The following YWHAE variants were observed in gnomAD, a reference collection of about 807,000 sequenced individuals.
YWHAE encodes tyrosine 3-monooxygenase/tryptophan 5-monooxygenase activation protein epsilon, also known as 14-3-3 protein epsilon.
A neutral mutation model predicts 30.1 loss-of-function variants in YWHAE; 4 were observed. The ratio of observed to expected loss-of-function variants is 0.13; its 90% CI spans 0.07 to 0.30. The LOEUF is 0.30. Ranked by LOEUF, YWHAE falls within the 10% of genes least tolerant of loss-of-function variation. YWHAE has a pLI of 1.00. For missense variants in YWHAE, 121 were observed against 315.9 expected, an observed-to-expected ratio of 0.38 and a Z score of 4.68; for synonymous variants, 118 against 111.8, an observed-to-expected ratio of 1.06 and a Z score of -0.35.
At chr17:1,359,603 A>C (rs1397273845) in intron 4 of YWHAE, among the ~76,000 whole-genome samples, 1 of 152,052 alleles carries the variant, frequency 6.6e-6, no homozygotes, top group Admixed American at 6.6e-5. Flanking sequence ...AAAAGGACAA[A>C]TATTATATGA....
At chr17:1,393,954 A>T (rs1287833326) in intron 1 of YWHAE, among the ~76,000 whole-genome samples, 1 of 152,200 alleles carries the variant, frequency 6.6e-6, no homozygotes, top group East Asian at 1.9e-4. Flanking sequence ...ACAATTCACC[A>T]TGGATATCAG....
At chr17:1,346,517 A>AT (rs1483169768) in intron 5 of YWHAE, among the ~76,000 whole-genome samples, 1 of 152,236 alleles carries the variant, frequency 6.6e-6, no homozygotes, top group Non-Finnish European at 1.5e-5. Flanking sequence ...CACATGAAGC[A>AT]TTTACACTGA....
chr17:1,376,976 A>T (rs1395072187), intron 1 of YWHAE, among the ~76,000 whole-genome samples: 1 of 149,782 alleles, frequency 6.7e-6, no homozygotes, highest in Non-Finnish European at 1.5e-5. Flanking sequence ...GCCCAGGCTG[A>T]AGTGCAATCT....
At chr17:1,379,203 C>T (rs1016406679) in intron 1 of YWHAE, among the ~76,000 whole-genome samples, 4 of 152,040 alleles carry the variant, frequency 2.6e-5, no homozygotes, top group Non-Finnish European at 5.9e-5. Flanking sequence ...AGACACACTT[C>T]AGATTTTACA....
chr17:1,394,220 G>A lies in YWHAE; in HGVS notation c.64+5827C>T, dbSNP rs948366427. On this transcript the variant is annotated intron_variant, in intron 1 of 5. Coordinates refer to ENST00000264335, the MANE Select transcript of YWHAE (RefSeq NM_006761.5). ...AACTCACTTTCTTGAACCAGAAAAT[G>A]GGAGTAACGCTCTACCTGCTTCAAT... Among the ~76,000 whole-genome samples, 13 of 152,042 alleles carry A rather than the reference G, an allele frequency of 8.6e-5. No individual in the cohort carries two copies. The East Asian group carries it at 2.3e-3, about 27-fold the overall frequency.
At chr17:1,368,301 G>A (rs1265205054) in intron 1 of YWHAE, among the ~76,000 whole-genome samples, 8 of 151,974 alleles carry the variant, frequency 5.3e-5, no homozygotes, top group East Asian at 3.8e-4. Flanking sequence ...GCTTGAACTC[G>A]GGAGGCGGAG....
intron 2 of YWHAE, 58 bp from the exon 3 acceptor site, chr17:1,362,066 T>TA (rs1261550496): frequency 9.5e-7 from 1 of 1,049,272 alleles, no homozygotes; most frequent in Non-Finnish European, 1.3e-6. Context: ...TACAAATTAT[T>TA]ACATATTCTA....
intron 4 of YWHAE, 70 bp downstream of exon 4, chr17:1,361,022 A>C: frequency 2.8e-6 from 4 of 1,431,702 alleles, no homozygotes; most frequent in Non-Finnish European, 3.9e-6. Context: ...CCAAGAAACA[A>C]CACGGAAAAC....
intron 1 of YWHAE, among the ~76,000 whole-genome samples, chr17:1,396,842 G>C (rs7223142): frequency 6.6e-6 from 1 of 151,444 alleles, no homozygotes; most frequent in African/African-American, 2.4e-5. Context: ...GGCTGGTCTC[G>C]AACTTCTGAC....
At chr17:1,357,882 G>C (rs2072782475) in intron 4 of YWHAE, among the ~76,000 whole-genome samples, 1 of 151,182 alleles carries the variant, frequency 6.6e-6, no homozygotes, top group African/African-American at 2.4e-5. Context: ...AGCTGAGATT[G>C]CACCACTGCA....
chr17:1,357,837 G>C (rs188078254), intron 4 of YWHAE, among the ~76,000 whole-genome samples: 5 of 151,444 alleles, frequency 3.3e-5, no homozygotes, highest in African/African-American at 1.2e-4. Context: ...TGAAGCAGGA[G>C]AATCGCTTGA....
chr17:1,379,031 T>C (rs571491240), intron 1 of YWHAE, among the ~76,000 whole-genome samples: 55 of 152,232 alleles, frequency 3.6e-4, no homozygotes, highest in African/African-American at 1.3e-3. Context: ...ATTATACTGG[T>C]TTTTAAACAT....
At chr17:1,366,814 C>T (rs1008642936) in intron 1 of YWHAE, among the ~76,000 whole-genome samples, 9 of 152,064 alleles carry the variant, frequency 5.9e-5, no homozygotes, top group Admixed American at 1.3e-4. Context: ...TGGTGGTGCA[C>T]GCTTGTAATC....
At chr17:1,370,761 C>T (rs1169301227) in intron 1 of YWHAE, among the ~76,000 whole-genome samples, 2 of 151,918 alleles carry the variant, frequency 1.3e-5, no homozygotes, top group African/African-American at 4.8e-5. Flanking sequence ...CTTTGGGAGG[C>T]CGAGGTGGGC....
intron 1 of YWHAE, among the ~76,000 whole-genome samples, chr17:1,397,484 T>G (rs1048587134): frequency 1.3e-5 from 2 of 152,042 alleles, no homozygotes; most frequent in Non-Finnish European, 2.9e-5. Context: ...CGCCCCAGGA[T>G]AGAATTAAAT....
At chr17:1,352,719 G>A (rs978864440) in intron 5 of YWHAE, among the ~76,000 whole-genome samples, 1 of 152,004 alleles carries the variant, frequency 6.6e-6, no homozygotes, top group Non-Finnish European at 1.5e-5. Flanking sequence ...TAGGGACGGG[G>A]TTTCCCCGTG....
At chr17:1,396,371 C>CAA (rs1296230210) in intron 1 of YWHAE, among the ~76,000 whole-genome samples, 5 of 151,650 alleles carry the variant, frequency 3.3e-5, no homozygotes, top group Admixed American at 3.3e-4. Flanking sequence ...TTGCAGTGGG[C>CAA]CGAGATTGTG....
chr17:1,351,875 C>CCT (rs1291999605), intron 5 of YWHAE, among the ~76,000 whole-genome samples: 1 of 152,124 alleles, frequency 6.6e-6, no homozygotes, highest in African/African-American at 2.4e-5. Context: ...GCAACCTCCA[C>CCT]CTCCTGGGTT....
intron 1 of YWHAE, among the ~76,000 whole-genome samples, chr17:1,371,919 ACCT>A (rs2073048986): frequency 6.6e-6 from 1 of 151,012 alleles, no homozygotes; most frequent in Non-Finnish European, 1.5e-5. Flanking sequence ...GCTCACTGCA[ACCT>A]CCGTCTCCTG....
Sources: allele counts gnomAD v4.1 joint callset (sites outside exome capture counted in the v4.1 genomes callset), GRCh38; gene constraint gnomAD v4.1.1; transcripts MANE v1.5; gene names NCBI Gene and HGNC (gene_info 2026-07-23, HGNC 2026-07-21).